SYT9: variants seen among roughly 807,000 people sequenced by gnomAD.
SYT9 encodes the protein synaptotagmin 9.
A neutral mutation model predicts 48.4 loss-of-function variants in SYT9; 22 were observed. The ratio of observed to expected loss-of-function variants is 0.45; its 90% CI spans 0.32 to 0.65. SYT9 has a LOEUF of 0.65. Among genes scored for constraint, SYT9 ranks in the 30% least tolerant of loss-of-function variants. SYT9 has a pLI of 0.03. For synonymous variants in SYT9, 265 were observed against 245.0 expected (o/e 1.08, Z -0.76); for missense variants, 577 against 622.0 (o/e 0.93, Z 0.77).
intron 6 of SYT9, among the ~76,000 whole-genome samples, chr11:7,425,616 A>T (rs1847439623): frequency 6.6e-6 from 1 of 152,246 alleles, no homozygotes; most frequent in African/African-American, 2.4e-5. Context: ...CTCAGCAAGC[A>T]TTAAGGCCCC....
At chr11:7,330,246 A>G (rs894266045) in intron 3 of SYT9, among the ~76,000 whole-genome samples, 6 of 152,210 alleles carry the variant, frequency 3.9e-5, no homozygotes, top group Non-Finnish European at 8.8e-5. Flanking sequence ...ATATACACAC[A>G]ATAGCATGGA....
chr11:7,359,927 A>C (rs1297375385), intron 3 of SYT9, among the ~76,000 whole-genome samples: 2 of 152,030 alleles, frequency 1.3e-5, no homozygotes, highest in Admixed American at 6.5e-5. Flanking sequence ...GTCCTTGCCC[A>C]TGCCTATGTC....
At chr11:7,396,689 C>T (rs977907426) in intron 3 of SYT9, among the ~76,000 whole-genome samples, 1 of 152,082 alleles carries the variant, frequency 6.6e-6, no homozygotes, top group African/African-American at 2.4e-5. Flanking sequence ...CAAACAGCAG[C>T]TTATGAGATG....
At chr11:7,369,089 A>T (rs961508656) in intron 3 of SYT9, among the ~76,000 whole-genome samples, 1 of 152,100 alleles carries the variant, frequency 6.6e-6, no homozygotes, top group Non-Finnish European at 1.5e-5. Context: ...ACTAATTTAC[A>T]CTCCCATCAA....
chr11:7,380,874 C>T (rs138577395), intron 3 of SYT9, among the ~76,000 whole-genome samples: 2 of 152,060 alleles, frequency 1.3e-5, no homozygotes, highest in Admixed American at 1.3e-4. Flanking sequence ...CTTTTTAGGC[C>T]CTCAGATAAT....
chr11:7,367,070 A>ATTTTTTTTTTT (rs1850260250), intron 3 of SYT9, among the ~76,000 whole-genome samples: 1 of 91,834 alleles, frequency 1.1e-5, no homozygotes, highest in Non-Finnish European at 2.2e-5. Flanking sequence ...CCAGGAGACC[A>ATTTTTTTTTTT]TCTTTTTTTT....
At chr11:7,309,443 T>G (rs1391808403) in intron 2 of SYT9, among the ~76,000 whole-genome samples, 2 of 152,156 alleles carry the variant, frequency 1.3e-5, no homozygotes, top group African/African-American at 4.8e-5. Flanking sequence ...CAGATCTCTC[T>G]TTGCCAAATT....
At chr11:7,302,582 G>A (rs150541007) in intron 1 of SYT9, among the ~76,000 whole-genome samples, 101 of 152,232 alleles carry the variant, frequency 6.6e-4, no homozygotes, top group East Asian at 5.6e-3. Context: ...CTAGTTTCTC[G>A]TATTTTAAAA....
chr11:7,322,728 A>G (rs1389426763), intron 3 of SYT9, among the ~76,000 whole-genome samples: 1 of 152,182 alleles, frequency 6.6e-6, no homozygotes, highest in Non-Finnish European at 1.5e-5. Flanking sequence ...CCAATATGTA[A>G]ACATCAGTCA....
intron 1 of SYT9, among the ~76,000 whole-genome samples, chr11:7,278,238 T>A (rs1213075971): frequency 6.6e-6 from 1 of 152,186 alleles, no homozygotes; most frequent in African/African-American, 2.4e-5. Context: ...TCCCCTCCCA[T>A]GATAACCTAT....
chr11:7,302,804 G>A (rs1426768776), intron 1 of SYT9, among the ~76,000 whole-genome samples: 1 of 152,174 alleles, frequency 6.6e-6, no homozygotes, highest in Non-Finnish European at 1.5e-5. Flanking sequence ...TTCTAAACAT[G>A]GCTTGCATGC....
At chr11:7,281,402 T>A (rs1848490185) in intron 1 of SYT9, among the ~76,000 whole-genome samples, 2 of 152,246 alleles carry the variant, frequency 1.3e-5, no homozygotes, top group South Asian at 4.1e-4. Context: ...TCATGTTGCA[T>A]CCTACTGATT....
upstream of SYT9, among the ~76,000 whole-genome samples, chr11:7,247,496 TATATACACATATATAC>T (rs1847805043): frequency 6.7e-6 from 1 of 149,756 alleles, no homozygotes; most frequent in East Asian, 1.9e-4. Context: ...CACACACATA[TATATACACATATATAC>T]ATATATACAC....
At chr11:7,334,414 A>G (rs1233054276) in intron 3 of SYT9, among the ~76,000 whole-genome samples, 1 of 152,206 alleles carries the variant, frequency 6.6e-6, no homozygotes, top group African/African-American at 2.4e-5. Flanking sequence ...CGTGTGGTTA[A>G]TAGACATGGA....
chr11:7,294,588 C>T (rs538149939), intron 1 of SYT9, among the ~76,000 whole-genome samples: 17 of 152,266 alleles, frequency 1.1e-4, no homozygotes, highest in Admixed American at 5.2e-4. Flanking sequence ...GGTAACAGGT[C>T]CTGGGTAAGT....
chr11:7,384,245 G>T (rs978787809), intron 3 of SYT9, among the ~76,000 whole-genome samples: 2 of 152,108 alleles, frequency 1.3e-5, no homozygotes, highest in African/African-American at 4.8e-5. Flanking sequence ...CCTCCCAGGA[G>T]TTGGTAATTT....
At chr11:7,425,470 A>T (rs1847436527) in intron 6 of SYT9, among the ~76,000 whole-genome samples, 1 of 152,218 alleles carries the variant, frequency 6.6e-6, no homozygotes. Context: ...TCAGGTTCCC[A>T]TCAAGGGGAT....
intron 3 of SYT9, among the ~76,000 whole-genome samples, chr11:7,358,351 T>C (rs991079695): frequency 3.3e-5 from 5 of 152,174 alleles, no homozygotes; most frequent in Non-Finnish European, 5.9e-5. Context: ...GAAATTTTTA[T>C]ATTTGGTTAT....
At position 7,417,970 on chromosome 11, in the gene SYT9, A is replaced by C; in HGVS notation, c.1179A>C (p.Lys393Asn). The C allele has an allele frequency of 6.2e-7, 1 of 1,613,860 alleles. No homozygotes were observed. The highest frequency in any genetic ancestry group is 1.7e-4 in the Middle Eastern group (1 of 6,060). ...DITGASDPYV[K>N]VSLMCDGRRL... ...TGGTCTGTCCAGATCCCTATGTGAA[A>C]GTCTCGCTGATGTGTGATGGCAGAC... The change falls in exon 5 of 7, where the codon AAA (lysine) becomes AAC (asparagine). Residue 393 changes from lysine to asparagine, a missense_variant. Lys to Asn is a moderately conservative substitution (Grantham distance 94). Transcript: ENST00000318881.
Sources: gnomAD v4.1 joint callset for allele counts (sites outside exome capture counted in the v4.1 genomes callset) on GRCh38, gnomAD v4.1.1 for gene constraint, MANE v1.5 for transcripts, NCBI Gene and HGNC (gene_info 2026-07-23, HGNC 2026-07-21) for gene names.